Variants in RFX4 observed in about 807,000 individuals in gnomAD.
The protein encoded by RFX4 is regulatory factor X4, also known as transcription factor RFX4.
In RFX4, 10 loss-of-function variants were observed where a neutral mutation model predicts 95.0. The ratio of observed to expected loss-of-function variants is 0.11; its 90% CI spans 0.06 to 0.18. The LOEUF is 0.18. RFX4 is among the 10% of genes least tolerant of loss of function. The pLI is 1.00. For synonymous variants in RFX4, 321 were observed against 340.7 expected (o/e 0.94, Z 0.64); for missense variants, 640 against 922.0 (o/e 0.69, Z 3.96).
intron 4 of RFX4, among the ~76,000 whole-genome samples, chr12:106,679,703 T>C (rs778298388): frequency 1.9e-4 from 29 of 152,172 alleles, no homozygotes; most frequent in Non-Finnish European, 2.9e-4. Context: ...ATGCTTCCCT[T>C]GTTTTCTTTC....
chr12:106,601,645 T>C (rs2137183907), intron 1 of RFX4, among the ~76,000 whole-genome samples: 1 of 152,342 alleles, frequency 6.6e-6, no homozygotes, highest in African/African-American at 2.4e-5. Context: ...GGAACAAAAC[T>C]CAGCGTGTTC....
intron 17 of RFX4, among the ~76,000 whole-genome samples, chr12:106,757,270 C>A (rs191480988): frequency 6.6e-6 from 1 of 152,186 alleles, no homozygotes; most frequent in African/African-American, 2.4e-5. Context: ...TGGTGGCTCA[C>A]ACTTGTAATC....
intron 1 of RFX4, chr12:106,601,301 G>T: frequency 6.3e-7 from 1 of 1,595,336 alleles, no homozygotes; most frequent in Non-Finnish European, 8.5e-7. Context: ...AGCCCACCCT[G>T]GTGCGGGAGG....
chr12:106,605,453 G>C (rs960587396), intron 1 of RFX4, among the ~76,000 whole-genome samples: 5 of 152,170 alleles, frequency 3.3e-5, no homozygotes, highest in African/African-American at 9.7e-5. Context: ...GCAGATCCAA[G>C]GCCCGAATCT....
At chr12:106,616,644 G>A (rs777491112) in intron 2 of RFX4, among the ~76,000 whole-genome samples, 2 of 152,076 alleles carry the variant, frequency 1.3e-5, no homozygotes, top group East Asian at 3.8e-4. Flanking sequence ...ATAGTTATTG[G>A]ATTATTTATA....
At chr12:106,700,009 T>C (rs1592955027) in intron 8 of RFX4, among the ~76,000 whole-genome samples, 1 of 152,236 alleles carries the variant, frequency 6.6e-6, no homozygotes, top group Middle Eastern at 3.4e-3. Flanking sequence ...TATCATCCCA[T>C]TTATCTCCAT....
Position 106,676,220 on chromosome 12 carries a change from C to T in RFX4, c.316-5773C>T, listed in dbSNP as rs192873051. On this transcript the variant is annotated intron_variant, in intron 4 of 17. Coordinates refer to ENST00000392842, the MANE Select transcript of RFX4 (RefSeq NM_213594.3). The stretch of plus-strand genomic sequence containing the variant: ...TCACAGAGCAGCAGAGTGCATGCTG[C>T]GTGGCTGGATGGGCTCTGAGGGCAC... Among the ~76,000 whole-genome samples, 626 of 152,132 alleles carry T rather than the reference C, an allele frequency of 4.1e-3. 20 individuals carry two copies. The highest frequency in any genetic ancestry group is 0.037 in the Admixed American group (562 of 15,280).
chr12:106,733,262 G>A (rs1299119487), intron 15 of RFX4, 177 bp downstream of exon 15: 3 of 626,202 alleles, frequency 4.8e-6, no homozygotes, highest in Non-Finnish European at 8.3e-6. Flanking sequence ...CTTGAGCCCA[G>A]GAGCTACGAT....
At chr12:106,642,022 T>TATCTATA (rs2040641069) in intron 3 of RFX4, among the ~76,000 whole-genome samples, 2 of 151,006 alleles carry the variant, frequency 1.3e-5, no homozygotes, top group African/African-American at 2.4e-5. Flanking sequence ...TCTATATCTA[T>TATCTATA]TTTTTGAGAT....
intron 4 of RFX4, among the ~76,000 whole-genome samples, chr12:106,655,796 G>A (rs939565507): frequency 6.6e-6 from 1 of 152,222 alleles, no homozygotes; most frequent in Non-Finnish European, 1.5e-5. Context: ...GATGATGTCA[G>A]TGGATGATGG....
chr12:106,617,244 A>G (rs1045998921), intron 2 of RFX4, among the ~76,000 whole-genome samples: 17 of 152,116 alleles, frequency 1.1e-4, no homozygotes, highest in African/African-American at 3.9e-4. Context: ...TAAGAATTGC[A>G]TTCATTTCTG....
chr12:106,751,923 C>G (rs1165948479), intron 17 of RFX4, among the ~76,000 whole-genome samples: 1 of 145,520 alleles, frequency 6.9e-6, no homozygotes, highest in East Asian at 2.0e-4. Context: ...TTTTGCTGTG[C>G]AGAAGCTCTT....
Position 106,720,164 on chromosome 12 carries a change from G to A in RFX4, c.1233+110G>A. The A allele has an allele frequency of 1.1e-6, 1 of 908,010 alleles. No homozygotes were observed. The highest frequency in any genetic ancestry group is 1.8e-6 in the Non-Finnish European group (1 of 564,314). The allele number at this position is 908,010 out of a possible 1,614,324, so 56.2% of individuals were successfully genotyped here. On this transcript the variant is annotated intron_variant, in intron 12 of 17. Coordinates refer to ENST00000392842, the MANE Select transcript of RFX4 (RefSeq NM_213594.3). This position sits in a 1 kb window ranked among gnomAD's most constrained non-coding sequence, Gnocchi z 4.2. ...TGGTAAGCTATCTGAACAGGGTTTT[G>A]AGGAGAGGCCCCAGGAGGTGGAGGG...
chr12:106,584,080 TC>T (rs1158658145), intron 1 of RFX4, among the ~76,000 whole-genome samples: 1 of 152,010 alleles, frequency 6.6e-6, no homozygotes. Flanking sequence ...GGCGTTGGGG[TC>T]TGCAAACTGC....
intron 1 of RFX4, among the ~76,000 whole-genome samples, chr12:106,589,739 CAGAT>C (rs1391556164): frequency 6.6e-6 from 1 of 152,152 alleles, no homozygotes; most frequent in East Asian, 1.9e-4. Context: ...AGAAGGGAAA[CAGAT>C]GGATGAGAGT....
chr12:106,600,251 C>A (rs574296234), intron 1 of RFX4, among the ~76,000 whole-genome samples: 1 of 152,294 alleles, frequency 6.6e-6, no homozygotes, highest in South Asian at 2.1e-4. Flanking sequence ...TCAAGAACTT[C>A]GCACATGCTG....
chr12:106,604,521 T>C (rs996897151), intron 1 of RFX4, among the ~76,000 whole-genome samples: 3 of 151,520 alleles, frequency 2.0e-5, no homozygotes, highest in Non-Finnish European at 4.4e-5. Context: ...TGATATGTTA[T>C]ACTTTTCCAT....
At chr12:106,632,220 A>G (rs925522046) in intron 2 of RFX4, among the ~76,000 whole-genome samples, 11 of 152,122 alleles carry the variant, frequency 7.2e-5, no homozygotes, top group Admixed American at 2.6e-4. Context: ...AGGAATCATA[A>G]CTGCCAAGTG....
intron 2 of RFX4, among the ~76,000 whole-genome samples, chr12:106,625,240 G>A (rs965470977): frequency 4.6e-5 from 7 of 152,140 alleles, no homozygotes; most frequent in African/African-American, 9.7e-5. Flanking sequence ...GCTCTGTTAC[G>A]TCCCTTTAGC....
Sources: allele counts gnomAD v4.1 joint callset (sites outside exome capture counted in the v4.1 genomes callset), GRCh38; gene constraint gnomAD v4.1.1; non-coding constraint Gnocchi (gnomAD v3.1); transcripts MANE v1.5; gene names NCBI Gene and HGNC (gene_info 2026-07-23, HGNC 2026-07-21).